MICU1: variants seen among roughly 807,000 people sequenced by gnomAD.
MICU1 encodes mitochondrial calcium uptake 1.
A neutral mutation model predicts 56.8 loss-of-function variants in MICU1; 45 were observed. The ratio of observed to expected loss-of-function variants is 0.79; its 90% CI spans 0.62 to 1.02. MICU1 has a LOEUF of 1.02. Ranked by LOEUF, MICU1 falls within the 50% of genes least tolerant of loss-of-function variation. The pLI, the probability that MICU1 is intolerant of heterozygous loss-of-function variation, is 0.00. For synonymous variants in MICU1, 186 were observed against 195.1 expected, an observed-to-expected ratio of 0.95 and a Z score of 0.39; for missense variants, 504 against 587.1, an observed-to-expected ratio of 0.86 and a Z score of 1.46.
At chr10:72,377,075 C>A (rs554738552) in intron 10 of MICU1, among the ~76,000 whole-genome samples, 12 of 152,066 alleles carry the variant, frequency 7.9e-5, no homozygotes, top group African/African-American at 2.9e-4. Flanking sequence ...CAACTGAGCC[C>A]ATTGGTATAT....
At chr10:72,613,450 T>A (rs974951080) in intron 1 of MICU1, among the ~76,000 whole-genome samples, 1 of 151,630 alleles carries the variant, frequency 6.6e-6, no homozygotes, top group African/African-American at 2.4e-5. Flanking sequence ...GATTTTTTTT[T>A]ATTTTTTGTA....
intron 1 of MICU1, among the ~76,000 whole-genome samples, chr10:72,580,314 T>C (rs955841828): frequency 9.2e-5 from 14 of 152,140 alleles, no homozygotes; most frequent in African/African-American, 3.1e-4. Flanking sequence ...GTTATTTTTA[T>C]TAAACAACCC....
At chr10:72,402,446 A>C (rs7910744) in intron 10 of MICU1, among the ~76,000 whole-genome samples, 84,493 of 151,870 alleles carry the variant, frequency 0.56, 24,475 homozygotes, top group Non-Finnish European at 0.65. Flanking sequence ...ACTATCTCTT[A>C]TTTTCCTTTA....
intron 1 of MICU1, among the ~76,000 whole-genome samples, chr10:72,588,403 A>T (rs1342157698): frequency 6.6e-6 from 1 of 152,132 alleles, no homozygotes; most frequent in Admixed American, 6.6e-5. Context: ...AGGAAAAAAA[A>T]CAACTTACAT....
intron 1 of MICU1, among the ~76,000 whole-genome samples, chr10:72,601,510 T>C (rs762103570): frequency 2.6e-5 from 4 of 151,610 alleles, no homozygotes; most frequent in Non-Finnish European, 4.4e-5. Context: ...ATATATATGT[T>C]TGATGTAGTC....
chr10:72,510,862 C>T (rs1420983137), intron 5 of MICU1, among the ~76,000 whole-genome samples: 1 of 152,118 alleles, frequency 6.6e-6, no homozygotes, highest in Non-Finnish European at 1.5e-5. Context: ...GAACTCCTGG[C>T]CTCAGGTAAT....
At chr10:72,563,102 G>A (rs573951009) in intron 2 of MICU1, 39 bp from the exon 3 acceptor site, 42 of 1,427,594 alleles carry the variant, frequency 2.9e-5, no homozygotes, top group African/African-American at 1.4e-4. Context: ...AATCTTGAAC[G>A]TCCATCATAC....
At chr10:72,443,233 T>G (rs529912445) in intron 8 of MICU1, among the ~76,000 whole-genome samples, 1 of 152,336 alleles carries the variant, frequency 6.6e-6, no homozygotes, top group East Asian at 1.9e-4. Flanking sequence ...TTTTTCCTTG[T>G]AAATTTGTTT....
At chr10:72,558,541 G>C (rs924072619) in intron 3 of MICU1, among the ~76,000 whole-genome samples, 2 of 152,146 alleles carry the variant, frequency 1.3e-5, no homozygotes, top group Admixed American at 1.3e-4. Context: ...ACCATGAAAG[G>C]AGGGTAAAGT....
chr10:72,607,859 G>T (rs1049936809), intron 1 of MICU1, among the ~76,000 whole-genome samples: 2 of 151,838 alleles, frequency 1.3e-5, no homozygotes, highest in Non-Finnish European at 2.9e-5. Flanking sequence ...CTGTGGGGGG[G>T]GTCTACACTA....
chr10:72,535,890 AT>A (rs1839620406), intron 4 of MICU1, among the ~76,000 whole-genome samples: 1 of 152,142 alleles, frequency 6.6e-6, no homozygotes, highest in African/African-American at 2.4e-5. Context: ...AAAGGAAGAA[AT>A]TCTGTCATTT....
At chr10:72,566,816 GT>G in intron 1 of MICU1, 22 bp from the exon 2 acceptor site, 1 of 1,592,292 alleles carries the variant, frequency 6.3e-7, no homozygotes, top group African/African-American at 1.3e-5. Flanking sequence ...AAGTAGAAAT[GT>G]CACTCTTAGC....
intron 5 of MICU1, chr10:72,523,776 C>G (rs1190305746): frequency 7.0e-7 from 1 of 1,418,524 alleles, no homozygotes; most frequent in East Asian, 2.6e-5. Context: ...AGAGCCCAAG[C>G]CTTCAAAGAT....
chr10:72,393,038 G>A (rs550368451), intron 10 of MICU1, among the ~76,000 whole-genome samples: 6 of 152,372 alleles, frequency 3.9e-5, no homozygotes, highest in Non-Finnish European at 8.8e-5. Flanking sequence ...GTCCAAGGAT[G>A]AGGGTTACAG....
chr10:72,392,096 A>G (rs1000342458), intron 10 of MICU1: 1 of 152,240 alleles, frequency 6.6e-6, no homozygotes, highest in Non-Finnish European at 1.5e-5. Context: ...AAAGAAATAA[A>G]GTATATGGAA....
intron 10 of MICU1, among the ~76,000 whole-genome samples, chr10:72,376,302 G>GT (rs1255429694): frequency 1.3e-5 from 2 of 151,952 alleles, no homozygotes; most frequent in African/African-American, 2.4e-5. Context: ...TGATAATTGA[G>GT]TTTTTATTCA....
intron 6 of MICU1, among the ~76,000 whole-genome samples, chr10:72,489,290 T>TCACACA (rs67070756): frequency 0.014 from 2,043 of 141,598 alleles, 33 homozygotes; most frequent in African/African-American, 0.039. Flanking sequence ...CGAGACTCTG[T>TCACACA]CACACACACA....
chr10:72,456,949 GTGTGTGT>G (rs1865487893), intron 8 of MICU1, among the ~76,000 whole-genome samples: 1 of 35,832 alleles, frequency 2.8e-5, no homozygotes, highest in African/African-American at 9.8e-5. Flanking sequence ...TTGCCCAGGT[GTGTGTGT>G]GTGTGTGTGT....
Position 72,578,960 on chromosome 10 carries a change from AT to A in MICU1, c.-1-12167del, listed in dbSNP as rs138251230. Among the ~76,000 whole-genome samples the A allele has an allele frequency of 6.7e-3, 1,022 of 152,286 alleles. 14 individuals carry two copies. The highest frequency in any genetic ancestry group is 0.023 in the African/African-American group (963 of 41,564). On this transcript the variant is annotated intron_variant, in intron 1 of 11. Transcript: ENST00000361114. The stretch of plus-strand genomic sequence containing the variant: ...TCATAGACTACACTATAGTATAAAC[AT>A]AACTTTTATATGCACTGGGAAACCA...
Sources: gnomAD v4.1 joint callset for allele counts (sites outside exome capture counted in the v4.1 genomes callset) on GRCh38, gnomAD v4.1.1 for gene constraint, MANE v1.5 for transcripts, NCBI Gene and HGNC (gene_info 2026-07-23, HGNC 2026-07-21) for gene names.